Variants in GPR137 observed in about 807,000 individuals in gnomAD.
GPR137 encodes the protein integral membrane protein GPR137.
Under a neutral mutation model 38.9 loss-of-function variants are expected in GPR137, and 20 were observed. The ratio of observed to expected loss-of-function variants is 0.51; its 90% CI spans 0.36 to 0.75. The LOEUF is 0.75. Among genes scored for constraint, GPR137 ranks in the 30% least tolerant of loss-of-function variants. The pLI, the probability that GPR137 is intolerant of heterozygous loss-of-function variation, is 0.00. For synonymous variants in GPR137, 226 were observed against 235.8 expected, an observed-to-expected ratio of 0.96 and a Z score of 0.38; for missense variants, 456 against 526.4, an observed-to-expected ratio of 0.87 and a Z score of 1.31.
upstream of GPR137, among the ~76,000 whole-genome samples, chr11:64,274,088 C>T (rs1193762703): frequency 6.6e-6 from 1 of 152,148 alleles, no homozygotes; most frequent in Non-Finnish European, 1.5e-5. Flanking sequence ...AAATGAGACA[C>T]ATGACTAAGA....
upstream of GPR137, chr11:64,284,966 C>T: frequency 7.2e-7 from 1 of 1,386,146 alleles, no homozygotes; most frequent in Non-Finnish European, 9.4e-7. Context: ...GCCAACAAGT[C>T]CTTCAGCCCC....
At chr11:64,285,336 C>T (rs1008721400), upstream of GPR137, 1 of 985,128 alleles carries the variant, frequency 1.0e-6, no homozygotes, top group East Asian at 1.1e-4. Context: ...TGAGGGAGGA[C>T]CGTAGGGCCC....
At chr11:64,273,355 A>C (rs1208050238), upstream of GPR137, among the ~76,000 whole-genome samples, 2 of 152,192 alleles carry the variant, frequency 1.3e-5, no homozygotes, top group African/African-American at 4.8e-5. Flanking sequence ...CCTGGGTGGC[A>C]GAGCGAGACT....
rs768861262 is a variant in GPR137, at chr11:64,288,627, C to G, written c.937C>G (p.Gln313Glu). ...GAGCACCAGCCACATCCTCAATGGG[C>G]AGGTCTTTGCCTCTCGGTCCTACTT... ...DLSTSHILNG[Q>E]VFASRSYFFD... is the part of the protein sequence containing the mutation. The change falls in exon 6 of 7, where the codon CAG becomes GAG. Residue 313 changes from glutamine to glutamate, a missense_variant. Physicochemically the swap from Gln to Glu is conservative, Grantham distance 29. Coordinates refer to ENST00000438980, the MANE Select transcript of GPR137 (RefSeq NM_001170880.2). The surrounding 1 kb of genome is among the most constrained non-coding windows in gnomAD (Gnocchi z 5.5). 6.2e-7 allele frequency: 1 copy of G among 1,612,704 alleles called. No individual in the cohort carries two copies. The highest frequency in any genetic ancestry group is 1.1e-5 in the South Asian group (1 of 90,792).
intron 2 of GPR137, among the ~76,000 whole-genome samples, chr11:64,279,039 G>A (rs2033253242): frequency 6.6e-6 from 1 of 152,134 alleles, no homozygotes; most frequent in African/African-American, 2.4e-5. Context: ...GGGCTGGGGG[G>A]AGGTGTCGTC....
Position 64,286,450 on chromosome 11 carries a change from C to G in GPR137, c.-75C>G. 6.5e-7 allele frequency: 1 copy of G among 1,544,318 alleles called. No homozygotes were observed. Among genetic ancestry groups the G allele is most frequent in the Non-Finnish European group, 8.7e-7 (1 of 1,145,336 alleles). The stretch of plus-strand genomic sequence containing the variant: ...TCTCTGCACCCTGCAATTCCCACCC[C>G]TCCGTATTTATTTCCCTGGTCCCGC... On this transcript the variant is annotated 5_prime_UTR_variant, in exon 1 of 7. Coordinates refer to ENST00000438980, the MANE Select transcript of GPR137 (RefSeq NM_001170880.2).
At position 64,287,920 on chromosome 11, in the gene GPR137, T is replaced by A; in HGVS notation, c.607T>A (p.Ser203Thr). Reference protein sequence around the residue: ...CLCLVARRAPSTSIYLEAKGT... With the variant: ...CLCLVARRAPTTSIYLEAKGT... ...CTGCCTCGTCGCCAGGCGGGCGCCC[T>A]CCACTAGCATCTACCTGGAGGCCAA... The change falls in exon 3 of 7, where the codon TCC becomes ACC. Residue 203 changes from serine to threonine, a missense_variant. Coordinates refer to ENST00000438980, the MANE Select transcript of GPR137 (RefSeq NM_001170880.2). The A allele has an allele frequency of 6.2e-7, 1 of 1,601,846 alleles. No individual in the cohort carries two copies.
upstream of GPR137, chr11:64,271,973 G>A: frequency 2.2e-6 from 1 of 448,962 alleles, no homozygotes; most frequent in Non-Finnish European, 3.7e-6. Flanking sequence ...TCGAGGGGAA[G>A]CTCAGGGGCC....
chr11:64,278,384 A>T (rs896077055), intron 2 of GPR137, among the ~76,000 whole-genome samples: 1 of 148,166 alleles, frequency 6.7e-6, no homozygotes, highest in Non-Finnish European at 1.5e-5. Flanking sequence ...TTATATATAT[A>T]TATTTATATA....
upstream of GPR137, among the ~76,000 whole-genome samples, chr11:64,274,011 TCAGAGGAC>T (rs1192100571): frequency 6.6e-5 from 10 of 152,122 alleles, no homozygotes; most frequent in Admixed American, 2.0e-4. Context: ...TCTTCTCCCC[TCAGAGGAC>T]CTGAGGACCT....
At chr11:64,271,918 C>T (rs978445237), upstream of GPR137, 33 of 800,110 alleles carry the variant, frequency 4.1e-5, no homozygotes, top group South Asian at 1.4e-3. Flanking sequence ...CTTCCAGGGG[C>T]GCATCACAGC....
At chr11:64,271,584 G>C, upstream of GPR137, 1 of 1,399,804 alleles carries the variant, frequency 7.1e-7, no homozygotes, top group South Asian at 1.6e-5. Flanking sequence ...GGTACTTCAG[G>C]TCCTGGCACG....
chr11:64,285,115 G>T, upstream of GPR137: 3 of 1,041,472 alleles, frequency 2.9e-6, no homozygotes, highest in Non-Finnish European at 3.5e-6. Context: ...CGTCGGATGT[G>T]ATTATTGTTG....
chr11:64,284,693 C>T, upstream of GPR137: 3 of 1,535,838 alleles, frequency 2.0e-6, no homozygotes, highest in Non-Finnish European at 1.7e-6. Flanking sequence ...CCCCGGGCTC[C>T]GGGCCCTAGT....
At chr11:64,284,888 T>G, upstream of GPR137, 1 of 1,448,210 alleles carries the variant, frequency 6.9e-7, no homozygotes, top group Non-Finnish European at 9.1e-7. Flanking sequence ...GCCTCACACC[T>G]TGGGCGTGTG....
chr11:64,289,486 C>G lies in GPR137; in HGVS notation c.*290C>G. 1 of 1,433,390 alleles carries G rather than the reference C, an allele frequency of 7.0e-7. No homozygotes were observed. The highest frequency in any genetic ancestry group is 9.2e-7 in the Non-Finnish European group (1 of 1,081,706). 88.8% of individuals were successfully genotyped at this position (1,433,390 alleles called of 1,614,324 possible). On this transcript the variant is annotated 3_prime_UTR_variant, in exon 7 of 7. Coordinates refer to ENST00000438980, the MANE Select transcript of GPR137 (RefSeq NM_001170880.2). ...CCTGCCACTCAATAAACAGTGTCTG[C>G]GCCCCACAGTTGTGCACCTGTCTGT...
chr11:64,283,050 T>A (rs2033595012), upstream of GPR137, among the ~76,000 whole-genome samples: 1 of 152,078 alleles, frequency 6.6e-6, no homozygotes, highest in Non-Finnish European at 1.5e-5. Context: ...CGAGACCCTG[T>A]CTCAAAACAA....
Position 64,289,114 on chromosome 11 carries a change from CGAA to C in GPR137, c.1112_1114del (p.Lys371del). The C allele has an allele frequency of 1.9e-6, 3 of 1,613,038 alleles. No individual in the cohort carries two copies. Among genetic ancestry groups the C allele is most frequent in the East Asian group, 2.2e-5 (1 of 44,878 alleles). On this transcript the variant is annotated inframe_deletion, in exon 7 of 7. Transcript: ENST00000438980. Reference sequence around the variant, plus strand: ...CCGGGCTGGTATGGGGGCAGCCAGACGAAGACCACTCCTCTGCTCTTCTCCCAG... The same window carrying C: ...CCGGGCTGGTATGGGGGCAGCCAGACGACCACTCCTCTGCTCTTCTCCCAG...
At position 64,288,856 on chromosome 11, in the gene GPR137, A is replaced by G; in HGVS notation, c.1031+135A>G. ...TGGCCTTTGCTTCCCCATCTGTACTAGGTGAGGTCCCCTGGGTTCCTATTG... is the reference window on the plus strand; with the variant it reads ...TGGCCTTTGCTTCCCCATCTGTACTGGGTGAGGTCCCCTGGGTTCCTATTG... On this transcript the variant is annotated intron_variant, in intron 6 of 6. Transcript: ENST00000438980. This position sits in a 1 kb window ranked among gnomAD's most constrained non-coding sequence, Gnocchi z 5.5. 6.9e-7 allele frequency: 1 copy of G among 1,443,096 alleles called. No individual in the cohort carries two copies. Among genetic ancestry groups the G allele is most frequent in the South Asian group, 1.5e-5 (1 of 67,640 alleles). 89.4% of individuals were successfully genotyped at this position (1,443,096 alleles called of 1,614,324 possible).
Sources: allele counts gnomAD v4.1 joint callset (sites outside exome capture counted in the v4.1 genomes callset), GRCh38; gene constraint gnomAD v4.1.1; non-coding constraint Gnocchi (gnomAD v3.1); transcripts MANE v1.5; gene names NCBI Gene and HGNC (gene_info 2026-07-23, HGNC 2026-07-21).